Variants in INSL6 observed in about 807,000 individuals in gnomAD.
INSL6 encodes insulin like 6, also known as insulin-like peptide INSL6.
Under a neutral mutation model 9.4 loss-of-function variants are expected in INSL6, and 16 were observed. The observed-to-expected ratio is 1.70, with a 90% CI of 1.15 to 2.59. INSL6 has a LOEUF of 2.59. INSL6 is among the 30% of genes most tolerant of loss of function. The pLI is 0.00. For missense variants in INSL6, 391 were observed against 257.3 expected, an observed-to-expected ratio of 1.52 and a Z score of -3.56; for synonymous variants, 154 against 96.9, an observed-to-expected ratio of 1.59 and a Z score of -3.46.
the INSL6 span, among the ~76,000 whole-genome samples, chr9:5,025,654 C>A: frequency 1.3e-5 from 2 of 152,060 alleles, no homozygotes; most frequent in Non-Finnish European, 1.5e-5. Context: ...TTCCCTCAGC[C>A]TCCTGACTAG....
the INSL6 span, among the ~76,000 whole-genome samples, chr9:5,113,036 A>C: frequency 9.9e-5 from 15 of 152,036 alleles, no homozygotes; most frequent in Non-Finnish European, 1.9e-4. Context: ...GGGGTGAGGA[A>C]GGTGACGCTG....
intron 1 of INSL6, among the ~76,000 whole-genome samples, chr9:5,164,570 A>G (rs1462862326): frequency 1.3e-5 from 2 of 152,232 alleles, no homozygotes; most frequent in Non-Finnish European, 1.5e-5. Context: ...CAGGGTTGTG[A>G]AACTATAAAT....
At chr9:5,163,797 T>C (rs1450269827), downstream of INSL6, 2 of 697,890 alleles carry the variant, frequency 2.9e-6, no homozygotes, top group Non-Finnish European at 4.9e-6. Context: ...GTCAAGTGCT[T>C]GCAAGTACAT....
At chr9:5,086,193 GCCGCC>G in the INSL6 span, 1 of 531,082 alleles carries the variant, frequency 1.9e-6, no homozygotes, top group Non-Finnish European at 2.5e-6. Context: ...CAACAGCCGC[GCCGCC>G]CCCGCCACCA....
chr9:5,159,290 T>C (rs374757432), downstream of INSL6, among the ~76,000 whole-genome samples: 2 of 151,814 alleles, frequency 1.3e-5, no homozygotes, highest in South Asian at 4.2e-4. Flanking sequence ...AAGTCCTTAC[T>C]TGTCAATAAC....
At chr9:5,010,995 C>G in the INSL6 span, among the ~76,000 whole-genome samples, 1 of 152,128 alleles carries the variant, frequency 6.6e-6, no homozygotes, top group African/African-American at 2.4e-5. Flanking sequence ...GATGTCAGTT[C>G]TATTTCTTGT....
At chr9:5,173,227 G>C (rs571528379) in intron 1 of INSL6, among the ~76,000 whole-genome samples, 36 of 152,222 alleles carry the variant, frequency 2.4e-4, no homozygotes, top group African/African-American at 8.7e-4. Flanking sequence ...CAAAGATCTA[G>C]AACCAGAAAT....
At chr9:5,105,207 A>C in the INSL6 span, among the ~76,000 whole-genome samples, 3 of 152,366 alleles carry the variant, frequency 2.0e-5, no homozygotes, top group Admixed American at 6.5e-5. Flanking sequence ...CAACTTCAGC[A>C]AAGTCTCAGG....
the INSL6 span, among the ~76,000 whole-genome samples, chr9:5,039,833 A>G: frequency 6.6e-6 from 1 of 152,316 alleles, no homozygotes; most frequent in Non-Finnish European, 1.5e-5. Flanking sequence ...AAACACCTAA[A>G]TAAATGGAAA....
the INSL6 span, among the ~76,000 whole-genome samples, chr9:5,019,958 C>T: frequency 1.3e-5 from 2 of 152,130 alleles, no homozygotes; most frequent in African/African-American, 4.8e-5. Context: ...ACATTAGCCC[C>T]AGGGTGGCTT....
At chr9:5,185,198 A>T in intron 1 of INSL6, 116 bp downstream of exon 1, 1 of 1,260,194 alleles carries the variant, frequency 7.9e-7, no homozygotes, top group Non-Finnish European at 1.1e-6. Flanking sequence ...TTTTTTAAAG[A>T]GCTGTGTACT....
the INSL6 span, chr9:5,029,917 C>A: frequency 1.3e-6 from 2 of 1,569,840 alleles, no homozygotes; most frequent in African/African-American, 1.4e-5. Context: ...GTACTTTCTT[C>A]AGTAAAGTAA....
the INSL6 span, among the ~76,000 whole-genome samples, chr9:5,071,150 T>C: frequency 6.6e-6 from 1 of 152,276 alleles, no homozygotes; most frequent in African/African-American, 2.4e-5. Flanking sequence ...AAATTAAAAG[T>C]GGTACTCTCC....
rs536662972 is a variant in INSL6 at position 5,134,875 on chromosome 9, TA to T, written c.377-1284del. On this transcript the variant is annotated intron_variant, in intron 2 of 3. Coordinates refer to the INSL6 transcript ENST00000649639. The stretch of plus-strand genomic sequence containing the variant: ...ATGTAAATGAGCTAAACACCTCAAT[TA>T]AAAGACACACACTGGCAAATTGGAT... 1.8e-4 allele frequency among the ~76,000 whole-genome samples: 28 copies of T among 152,170 alleles called. 1 individual carries two copies. The South Asian group carries it at 5.4e-3, about 29-fold the overall frequency.
At chr9:5,024,355 A>G in the INSL6 span, among the ~76,000 whole-genome samples, 1 of 152,076 alleles carries the variant, frequency 6.6e-6, no homozygotes, top group African/African-American at 2.4e-5. Context: ...TTGAATTCCT[A>G]GGGCCAAAAG....
At chr9:5,004,393 T>G in the INSL6 span, among the ~76,000 whole-genome samples, 1 of 152,200 alleles carries the variant, frequency 6.6e-6, no homozygotes, top group Non-Finnish European at 1.5e-5. Flanking sequence ...AGTTTTGTCT[T>G]TCTGTGCCTA....
At chr9:5,146,586 T>A (rs890874699) in intron 2 of INSL6, among the ~76,000 whole-genome samples, 2 of 152,178 alleles carry the variant, frequency 1.3e-5, no homozygotes, top group South Asian at 4.1e-4. Context: ...TGTGCAGCAT[T>A]AACACAAGGG....
the INSL6 span, chr9:5,069,838 T>C: frequency 1.3e-6 from 1 of 797,970 alleles, no homozygotes; most frequent in Non-Finnish European, 1.9e-6. Flanking sequence ...TTCTTATACG[T>C]AGAACACATT....
the INSL6 span, chr9:5,114,055 C>A: frequency 6.1e-6 from 2 of 330,066 alleles, no homozygotes; most frequent in Non-Finnish European, 1.2e-5. Flanking sequence ...GAGCTGGCCT[C>A]CACACAAAGC....
Sources: gnomAD v4.1 joint callset for allele counts (sites outside exome capture counted in the v4.1 genomes callset) on GRCh38, gnomAD v4.1.1 for gene constraint, MANE v1.5 for transcripts, NCBI Gene and HGNC (gene_info 2026-07-23, HGNC 2026-07-21) for gene names.